The following TMEM132D variants were observed in gnomAD, a reference collection of about 807,000 sequenced individuals.
TMEM132D encodes mature OL transmembrane protein.
In TMEM132D, 21 loss-of-function variants were observed where a neutral mutation model predicts 62.3. That is an observed-to-expected ratio of 0.34 (90% CI 0.24 to 0.49). TMEM132D has a LOEUF of 0.49. TMEM132D is among the 20% of genes least tolerant of loss of function. TMEM132D has a pLI of 0.99. For missense variants in TMEM132D, 1,346 were observed against 1,402.8 expected, an observed-to-expected ratio of 0.96 and a Z score of 0.65; for synonymous variants, 621 against 575.6, an observed-to-expected ratio of 1.08 and a Z score of -1.13.
At chr12:129,134,122 G>C (rs1009274842) in intron 5 of TMEM132D, among the ~76,000 whole-genome samples, 10 of 142,848 alleles carry the variant, frequency 7.0e-5, no homozygotes, top group African/African-American at 2.2e-4. Context: ...TGTGTTGTGT[G>C]TGTGTGTGTG....
chr12:129,321,175 G>A (rs1868692665), intron 4 of TMEM132D, among the ~76,000 whole-genome samples: 2 of 152,178 alleles, frequency 1.3e-5, no homozygotes, highest in Admixed American at 6.5e-5. Flanking sequence ...ATAAATGAAA[G>A]CTAGACAATT....
intron 3 of TMEM132D, among the ~76,000 whole-genome samples, chr12:129,467,431 T>C (rs1288076226): frequency 1.3e-5 from 2 of 152,166 alleles, no homozygotes; most frequent in Non-Finnish European, 2.9e-5. Context: ...GCCAATGTCC[T>C]GGGATGGAAT....
intron 7 of TMEM132D, among the ~76,000 whole-genome samples, chr12:129,080,050 G>A (rs1488076951): frequency 6.6e-6 from 1 of 152,168 alleles, no homozygotes; most frequent in Non-Finnish European, 1.5e-5. Flanking sequence ...TATCAGTTTA[G>A]CCTATAGATT....
At chr12:129,228,241 G>A (rs76726214) in intron 4 of TMEM132D, among the ~76,000 whole-genome samples, 2,563 of 152,192 alleles carry the variant, frequency 0.017, 31 homozygotes, top group Non-Finnish European at 0.026. Flanking sequence ...GGAGTGGTGC[G>A]GAACCCACAG....
intron 3 of TMEM132D, among the ~76,000 whole-genome samples, chr12:129,464,327 T>G (rs1398555886): frequency 6.6e-6 from 1 of 152,240 alleles, no homozygotes; most frequent in African/African-American, 2.4e-5. Flanking sequence ...GGGTTGTTTT[T>G]TTCTTGTAAA....
At chr12:129,562,853 G>A (rs1877273950) in intron 2 of TMEM132D, among the ~76,000 whole-genome samples, 1 of 152,162 alleles carries the variant, frequency 6.6e-6, no homozygotes, top group Non-Finnish European at 1.5e-5. Flanking sequence ...CCGGTTTACA[G>A]AAAGTCCTCT....
intron 1 of TMEM132D, among the ~76,000 whole-genome samples, chr12:129,712,855 C>T (rs1593131106): frequency 6.6e-6 from 1 of 152,014 alleles, no homozygotes; most frequent in East Asian, 1.9e-4. Flanking sequence ...CCAGAAGGAA[C>T]GTCTCAGACT....
intron 3 of TMEM132D, among the ~76,000 whole-genome samples, chr12:129,359,794 C>A (rs1248860021): frequency 1.3e-5 from 2 of 151,822 alleles, no homozygotes; most frequent in East Asian, 3.9e-4. Context: ...TAAGAGTTGA[C>A]TTGAGAGTAT....
At chr12:129,512,954 C>T (rs1055577355) in intron 3 of TMEM132D, among the ~76,000 whole-genome samples, 4 of 152,190 alleles carry the variant, frequency 2.6e-5, no homozygotes, top group African/African-American at 9.7e-5. Context: ...TATTGGACTC[C>T]ACCTTCTGAA....
chr12:129,717,490 T>G (rs960240111), intron 1 of TMEM132D, among the ~76,000 whole-genome samples: 3 of 149,462 alleles, frequency 2.0e-5, no homozygotes, highest in Non-Finnish European at 4.5e-5. Context: ...TTAATAAAAT[T>G]AATAAAAATA....
At chr12:129,114,212 G>A (rs543209440) in intron 5 of TMEM132D, among the ~76,000 whole-genome samples, 3 of 152,246 alleles carry the variant, frequency 2.0e-5, no homozygotes, top group South Asian at 4.2e-4. Flanking sequence ...TGTTCCCAGC[G>A]GACATATGGC....
At chr12:129,898,391 G>T (rs1183472114) in intron 1 of TMEM132D, among the ~76,000 whole-genome samples, 1 of 152,196 alleles carries the variant, frequency 6.6e-6, no homozygotes, top group Non-Finnish European at 1.5e-5. Context: ...AGAGGAGGCA[G>T]AAAATAGTTG....
chr12:129,264,848 A>T (rs1880643890), intron 4 of TMEM132D, among the ~76,000 whole-genome samples: 1 of 152,228 alleles, frequency 6.6e-6, no homozygotes, highest in East Asian at 1.9e-4. Flanking sequence ...TCTCACTGAT[A>T]TGTGGGAGCT....
chr12:129,788,360 T>C (rs1434274778), intron 1 of TMEM132D, among the ~76,000 whole-genome samples: 1 of 152,258 alleles, frequency 6.6e-6, no homozygotes, highest in Non-Finnish European at 1.5e-5. Flanking sequence ...TTGTCTTTTA[T>C]ATATTTACAT....
At chr12:129,532,870 G>A (rs923286384) in intron 2 of TMEM132D, among the ~76,000 whole-genome samples, 46 of 152,316 alleles carry the variant, frequency 3.0e-4, no homozygotes, top group African/African-American at 1.1e-3. Context: ...CACATCCTGC[G>A]TGACTCCACG....
intron 2 of TMEM132D, among the ~76,000 whole-genome samples, chr12:129,634,319 A>G (rs1879423030): frequency 6.6e-6 from 1 of 151,920 alleles, no homozygotes; most frequent in Admixed American, 6.6e-5. Context: ...CGTTAAAAAA[A>G]AAAAATTAGC....
chr12:129,697,751 G>T (rs1459454653), intron 2 of TMEM132D, among the ~76,000 whole-genome samples: 1 of 152,154 alleles, frequency 6.6e-6, no homozygotes, highest in Non-Finnish European at 1.5e-5. Context: ...GCCTCATATT[G>T]TGCAGCCACA....
chr12:129,838,837 T>C (rs1377654857), intron 1 of TMEM132D, among the ~76,000 whole-genome samples: 1 of 152,208 alleles, frequency 6.6e-6, no homozygotes, highest in Non-Finnish European at 1.5e-5. Flanking sequence ...AAACTTACTG[T>C]TGGCAAGGGA....
At chr12:129,364,828 T>C (rs904418651) in intron 3 of TMEM132D, among the ~76,000 whole-genome samples, 6 of 152,190 alleles carry the variant, frequency 3.9e-5, no homozygotes, top group Non-Finnish European at 8.8e-5. Flanking sequence ...AGAACTCTGA[T>C]GGAAATACAC....
Sources: allele counts gnomAD v4.1 joint callset (sites outside exome capture counted in the v4.1 genomes callset), GRCh38; gene constraint gnomAD v4.1.1; transcripts MANE v1.5; gene names NCBI Gene and HGNC (gene_info 2026-07-23, HGNC 2026-07-21).